Variants in KSR2 observed in about 807,000 individuals in gnomAD.
KSR2 encodes the protein kinase suppressor of ras 2.
KSR2 carries 25 observed loss-of-function variants against 107.8 expected under a neutral mutation model. The observed-to-expected ratio is 0.23, with a 90% confidence interval of 0.17 to 0.32. KSR2 has a LOEUF of 0.32. Ranked by LOEUF, KSR2 falls within the 10% of genes least tolerant of loss-of-function variation. The pLI, the probability that KSR2 is intolerant of heterozygous loss-of-function variation, is 1.00. For synonymous variants in KSR2, 480 were observed against 507.0 expected, an observed-to-expected ratio of 0.95 and a Z score of 0.71; for missense variants, 887 against 1,268.9, an observed-to-expected ratio of 0.70 and a Z score of 4.57.
At chr12:117,720,016 C>A (rs1887144349) in intron 4 of KSR2, among the ~76,000 whole-genome samples, 1 of 152,222 alleles carries the variant, frequency 6.6e-6, no homozygotes, top group Admixed American at 6.5e-5. Context: ...CATGCAGAGA[C>A]AGAGTGACTC....
At chr12:117,642,291 C>T (rs1034968787) in intron 5 of KSR2, among the ~76,000 whole-genome samples, 1 of 152,182 alleles carries the variant, frequency 6.6e-6, no homozygotes, top group African/African-American at 2.4e-5. Context: ...TCCGTTTCCT[C>T]GTTGCCCATC....
intron 3 of KSR2, among the ~76,000 whole-genome samples, chr12:117,825,672 T>C (rs918108076): frequency 2.6e-5 from 4 of 152,094 alleles, no homozygotes; most frequent in African/African-American, 9.7e-5. Flanking sequence ...GAATGGTTTA[T>C]TGTCTGTCTC....
chr12:117,735,931 G>T (rs148807595), intron 4 of KSR2, among the ~76,000 whole-genome samples: 1 of 152,218 alleles, frequency 6.6e-6, no homozygotes, highest in South Asian at 2.1e-4. Flanking sequence ...TTAATTGAAC[G>T]TGCCCCTTAT....
intron 6 of KSR2, among the ~76,000 whole-genome samples, chr12:117,581,813 TGGGTGAG>T (rs1227594853): frequency 6.6e-6 from 1 of 152,224 alleles, no homozygotes; most frequent in Non-Finnish European, 1.5e-5. Context: ...TTGTGTATTC[TGGGTGAG>T]AAGACCAAAA....
intron 3 of KSR2, among the ~76,000 whole-genome samples, chr12:117,787,498 C>T (rs10744904): frequency 0.55 from 83,953 of 151,674 alleles, 24,686 homozygotes; most frequent in African/African-American, 0.75. Flanking sequence ...CCGAGCACAG[C>T]GGCACATGCC....
intron 3 of KSR2, among the ~76,000 whole-genome samples, chr12:117,826,144 AGAATGAAT>A (rs139068727): frequency 6.6e-6 from 1 of 150,972 alleles, no homozygotes; most frequent in Non-Finnish European, 1.5e-5. Context: ...AGATGGAGGA[AGAATGAAT>A]GAATGAATGA....
At chr12:117,485,412 C>T (rs1230437825) in intron 15 of KSR2, among the ~76,000 whole-genome samples, 183 bp downstream of exon 15, 13 of 152,134 alleles carry the variant, frequency 8.5e-5, no homozygotes, top group Admixed American at 8.5e-4. Flanking sequence ...AAGATCGTAT[C>T]GAGGCAGAAT....
At chr12:117,722,214 G>A (rs759680027) in intron 4 of KSR2, among the ~76,000 whole-genome samples, 1 of 152,068 alleles carries the variant, frequency 6.6e-6, no homozygotes, top group Non-Finnish European at 1.5e-5. Flanking sequence ...CCTATAGCTA[G>A]TGGCTACCAT....
intron 1 of KSR2, among the ~76,000 whole-genome samples, chr12:117,955,406 G>A (rs868675167): frequency 1.3e-5 from 2 of 152,124 alleles, no homozygotes; most frequent in African/African-American, 4.8e-5. Context: ...GATTACAGGT[G>A]TGAGCCACAA....
chr12:117,593,576 C>T (rs1371970649), intron 5 of KSR2, among the ~76,000 whole-genome samples: 2 of 152,342 alleles, frequency 1.3e-5, no homozygotes, highest in Middle Eastern at 3.4e-3. Context: ...TTTACAGATG[C>T]GGGCCTGAGT....
intron 1 of KSR2, among the ~76,000 whole-genome samples, chr12:117,864,102 C>T (rs1053487139): frequency 5.9e-5 from 9 of 152,086 alleles, no homozygotes; most frequent in Non-Finnish European, 2.9e-5. Flanking sequence ...TGCACTTACC[C>T]GGGCAAGTGG....
intron 1 of KSR2, among the ~76,000 whole-genome samples, chr12:117,954,224 G>A (rs1285856405): frequency 6.6e-6 from 1 of 152,176 alleles, no homozygotes; most frequent in Non-Finnish European, 1.5e-5. Context: ...AGATGGGGCT[G>A]GACAACCTCT....
In KSR2 at chr12:117,674,377, C is replaced by T. The variant is rs761307454; in HGVS notation, c.987-6719G>A. The stretch of plus-strand genomic sequence containing the variant: ...TTATACTAAAGTGAAATTCACAGAA[C>T]GTAAAATTCACCATTTTAAATTGAA... On this transcript the variant is annotated intron_variant, in intron 4 of 19. Coordinates refer to ENST00000339824, the MANE Select transcript of KSR2 (RefSeq NM_173598.6). 63 of 462,414 alleles carry T rather than the reference C, an allele frequency of 1.4e-4. 1 individual carries two copies. Among genetic ancestry groups the T allele is most frequent in the South Asian group, 5.6e-4 (36 of 64,860 alleles). 28.6% of individuals were successfully genotyped at this position (462,414 alleles called of 1,614,324 possible).
At chr12:117,737,583 G>A (rs1175961294) in intron 4 of KSR2, among the ~76,000 whole-genome samples, 1 of 152,082 alleles carries the variant, frequency 6.6e-6, no homozygotes, top group Non-Finnish European at 1.5e-5. Context: ...AGGAGTTTGA[G>A]ACCAGCTTGG....
intron 4 of KSR2, among the ~76,000 whole-genome samples, chr12:117,693,112 G>A (rs545605013): frequency 8.6e-4 from 131 of 152,168 alleles, no homozygotes; most frequent in Middle Eastern, 3.4e-3. Context: ...ATGAGGAGGC[G>A]GGATGGTTGC....
In KSR2 at chr12:117,667,538, AAAG is replaced by A. The variant is rs771799705; in HGVS notation, c.1104_1106del (p.Phe369del). The A allele has an allele frequency of 2.1e-5, 34 of 1,612,962 alleles. No individual in the cohort carries two copies. The Middle Eastern group carries it at 6.6e-4, about 31-fold the overall frequency. On this transcript the variant is annotated inframe_deletion, in exon 5 of 20. Transcript: ENST00000339824. ...AAGGCAGGAAAGGTGCGTGTCCCACAAAGAAGGAGCGGAGGGAGCGCTCGGACA... is the reference window on the plus strand; with the variant it reads ...AAGGCAGGAAAGGTGCGTGTCCCACAAAGGAGCGGAGGGAGCGCTCGGACA...
chr12:117,751,616 G>C (rs1279236474), intron 4 of KSR2, among the ~76,000 whole-genome samples: 1 of 152,160 alleles, frequency 6.6e-6, no homozygotes, highest in African/African-American at 2.4e-5. Flanking sequence ...TTGTAACAGG[G>C]CATGTCCCCT....
intron 3 of KSR2, among the ~76,000 whole-genome samples, chr12:117,774,833 C>T (rs992727424): frequency 1.3e-5 from 2 of 152,156 alleles, no homozygotes; most frequent in Non-Finnish European, 2.9e-5. Context: ...CCCTTCTTCC[C>T]CCAGCCCCTG....
At position 117,665,447 on chromosome 12, in the gene KSR2, C is replaced by T. The variant is rs1016055358; in HGVS notation, c.1171+2027G>A. ...TGGCCAACCCCTGGAGGGGGCCCGGCTGACATTCACTCATAGGATGGCGAT... is the reference window on the plus strand; with the variant it reads ...TGGCCAACCCCTGGAGGGGGCCCGGTTGACATTCACTCATAGGATGGCGAT... On this transcript the variant is annotated intron_variant, in intron 5 of 19. Coordinates refer to ENST00000339824, the MANE Select transcript of KSR2 (RefSeq NM_173598.6). 1.6e-4 allele frequency among the ~76,000 whole-genome samples: 24 copies of T among 152,314 alleles called. 1 individual carries two copies. The highest frequency in any genetic ancestry group is 5.3e-4 in the African/African-American group (22 of 41,576).
Sources: allele counts gnomAD v4.1 joint callset (sites outside exome capture counted in the v4.1 genomes callset), GRCh38; gene constraint gnomAD v4.1.1; transcripts MANE v1.5; gene names NCBI Gene and HGNC (gene_info 2026-07-23, HGNC 2026-07-21).